The following GNG2 variants were observed in gnomAD, a reference collection of about 807,000 sequenced individuals.
GNG2 encodes G protein subunit gamma 2.
A neutral mutation model predicts 5.5 loss-of-function variants in GNG2; 5 were observed. The observed-to-expected ratio is 0.91, with a 90% confidence interval of 0.48 to 1.92. The LOEUF (loss-of-function observed/expected upper bound fraction) is 1.92, where lower values mean the gene tolerates loss of function less well. Among genes scored for constraint, GNG2 ranks in the 30% most tolerant of loss-of-function variants. The probability of loss-of-function intolerance (pLI) is 0.01; values close to 1 mark genes in which losing one functional copy is unlikely to be tolerated. For missense variants in GNG2, 55 were observed against 88.4 expected (o/e 0.62, Z 1.52); for synonymous variants, 28 against 32.0 (o/e 0.88, Z 0.42).
intron 2 of GNG2, among the ~76,000 whole-genome samples, chr14:51,902,459 CTAGTAGGAGCT>C (rs1169449568): frequency 6.6e-6 from 1 of 152,136 alleles, no homozygotes; most frequent in Non-Finnish European, 1.5e-5. Flanking sequence ...CCTGGTCTGC[CTAGTAGGAGCT>C]TGATAAATGT....
chr14:51,921,439 G>A (rs1225502872), intron 2 of GNG2, among the ~76,000 whole-genome samples: 1 of 152,212 alleles, frequency 6.6e-6, no homozygotes, highest in African/African-American at 2.4e-5. Flanking sequence ...AAACAAAATA[G>A]TGTTTGGGAA....
At chr14:51,857,624 G>GA (rs1246159653), upstream of GNG2, among the ~76,000 whole-genome samples, 5 of 152,140 alleles carry the variant, frequency 3.3e-5, no homozygotes, top group Non-Finnish European at 7.4e-5. Flanking sequence ...TAATTGCACA[G>GA]AAAAAACCAA....
intron 2 of GNG2, among the ~76,000 whole-genome samples, chr14:51,892,518 C>G (rs190738986): frequency 2.0e-5 from 3 of 152,186 alleles, no homozygotes; most frequent in Admixed American, 2.0e-4. Context: ...AGGCTGGTCT[C>G]GAACTCCTCA....
At chr14:51,878,913 A>G (rs1331569022) in intron 2 of GNG2, among the ~76,000 whole-genome samples, 3 of 152,334 alleles carry the variant, frequency 2.0e-5, no homozygotes, top group African/African-American at 4.8e-5. Flanking sequence ...TGTCATGCTA[A>G]TAAGTATGCT....
intron 2 of GNG2, among the ~76,000 whole-genome samples, chr14:51,846,512 G>A (rs187310305): frequency 6.6e-6 from 1 of 152,270 alleles, no homozygotes; most frequent in East Asian, 1.9e-4. Flanking sequence ...CAAGCATTTG[G>A]AATCTTAATT....
chr14:51,909,238 T>G (rs1390980126), intron 2 of GNG2, among the ~76,000 whole-genome samples: 1 of 152,236 alleles, frequency 6.6e-6, no homozygotes, highest in East Asian at 1.9e-4. Context: ...ATTGAGCTTT[T>G]TCCTTCAGCT....
intron 2 of GNG2, among the ~76,000 whole-genome samples, chr14:51,942,600 T>C (rs1198375163): frequency 7.9e-5 from 11 of 139,110 alleles, no homozygotes; most frequent in East Asian, 4.0e-4. Context: ...TTTTTTTTTT[T>C]TTTTTTAGAG....
At chr14:51,847,400 G>A (rs1202104651) in intron 2 of GNG2, 1 of 152,380 alleles carries the variant, frequency 6.6e-6, no homozygotes, top group East Asian at 1.9e-4. Context: ...TGTGTAAGAA[G>A]TGAGCCTCTT....
intron 2 of GNG2, among the ~76,000 whole-genome samples, chr14:51,837,852 C>A (rs1229007757): frequency 2.6e-5 from 4 of 152,046 alleles, no homozygotes; most frequent in Non-Finnish European, 5.9e-5. Context: ...ATAGTGTAAC[C>A]TTGGAGTGAT....
At chr14:51,893,738 T>C (rs1268450054) in intron 2 of GNG2, among the ~76,000 whole-genome samples, 2 of 152,150 alleles carry the variant, frequency 1.3e-5, no homozygotes, top group Non-Finnish European at 2.9e-5. Context: ...TTTCTCCATG[T>C]TATGTATTAA....
intron 2 of GNG2, among the ~76,000 whole-genome samples, chr14:51,844,381 T>C (rs946968202): frequency 6.6e-6 from 1 of 152,218 alleles, no homozygotes; most frequent in African/African-American, 2.4e-5. Flanking sequence ...GGGCAGATCT[T>C]ATGTCTGAGA....
chr14:51,882,603 C>A (rs1884159689), intron 2 of GNG2, among the ~76,000 whole-genome samples: 2 of 152,318 alleles, frequency 1.3e-5, no homozygotes, highest in African/African-American at 4.8e-5. Flanking sequence ...CTGTACTTTG[C>A]AGAGCTGGTC....
At chr14:51,868,219 G>A (rs528544690) in intron 1 of GNG2, among the ~76,000 whole-genome samples, 3 of 152,234 alleles carry the variant, frequency 2.0e-5, no homozygotes, top group Middle Eastern at 3.4e-3. Flanking sequence ...AAAACTGGTC[G>A]GTTGTTTTCT....
At chr14:51,892,491 G>A (rs1167350266) in intron 2 of GNG2, among the ~76,000 whole-genome samples, 1 of 151,978 alleles carries the variant, frequency 6.6e-6, no homozygotes, top group East Asian at 1.9e-4. Context: ...TATAGAGACG[G>A]TTTTGCCATG....
intron 2 of GNG2, among the ~76,000 whole-genome samples, chr14:51,925,220 ACT>A (rs1169787719): frequency 9.2e-5 from 14 of 152,398 alleles, no homozygotes; most frequent in Non-Finnish European, 2.1e-4. Flanking sequence ...TGAAAATATC[ACT>A]GTGTACCCCA....
chr14:51,838,112 A>G (rs879539028), intron 2 of GNG2, among the ~76,000 whole-genome samples: 1 of 152,108 alleles, frequency 6.6e-6, no homozygotes, highest in Non-Finnish European at 1.5e-5. Context: ...TACCTTATGC[A>G]TATTATATGG....
intron 2 of GNG2, among the ~76,000 whole-genome samples, chr14:51,836,080 G>A (rs563851117): frequency 1.3e-5 from 2 of 151,558 alleles, no homozygotes; most frequent in South Asian, 4.2e-4. Flanking sequence ...TTTGGTTCGG[G>A]TTCTCTTCCT....
rs1890072260 is a variant in GNG2, at chr14:51,968,896, T to G, written c.*2209T>G. On this transcript the variant is annotated 3_prime_UTR_variant, in exon 4 of 4. Transcript: ENST00000556766. Reference sequence around the variant, plus strand: ...GACTCTTTATATTTCCATGTAAATCTAGATCTTTGGAGCAATTAAGATGGA... The same window carrying G: ...GACTCTTTATATTTCCATGTAAATCGAGATCTTTGGAGCAATTAAGATGGA... The G allele has an allele frequency of 6.6e-6, 1 of 152,222 alleles. No individual in the cohort carries two copies. Among genetic ancestry groups the G allele is most frequent in the African/African-American group, 2.4e-5 (1 of 41,454 alleles). The allele number at this position is 152,222 out of a possible 1,614,324, so 9.4% of individuals were successfully genotyped here. A position where few individuals can be genotyped will look rare whatever the true frequency, so the allele number is the denominator to read the frequency against.
intron 2 of GNG2, among the ~76,000 whole-genome samples, chr14:51,913,896 A>G (rs1594907972): frequency 6.6e-6 from 1 of 152,256 alleles, no homozygotes; most frequent in African/African-American, 2.4e-5. Context: ...CATATGTTGC[A>G]TATATAATGT....
Sources: allele counts gnomAD v4.1 joint callset (sites outside exome capture counted in the v4.1 genomes callset), GRCh38; gene constraint gnomAD v4.1.1; transcripts MANE v1.5; gene names NCBI Gene and HGNC (gene_info 2026-07-23, HGNC 2026-07-21).